Variants in CDK14 observed in about 807,000 individuals in gnomAD.
The protein encoded by CDK14 is cyclin-dependent kinase 14.
Under a neutral mutation model 60.7 loss-of-function variants are expected in CDK14, and 34 were observed. That is an observed-to-expected ratio of 0.56 (90% confidence interval 0.43 to 0.75). The LOEUF is 0.75. CDK14 is among the 30% of genes least tolerant of loss of function. CDK14 has a pLI of 0.00. For missense variants in CDK14, 482 were observed against 564.1 expected (o/e 0.85, Z 1.47); for synonymous variants, 197 against 203.7 (o/e 0.97, Z 0.28).
chr7:90,615,124 G>A (rs980426158), intron 2 of CDK14, among the ~76,000 whole-genome samples: 2 of 151,604 alleles, frequency 1.3e-5, no homozygotes, highest in African/African-American at 4.8e-5. Flanking sequence ...AGTAAGGAAT[G>A]TGTTGAAAAA....
intron 14 of CDK14, among the ~76,000 whole-genome samples, chr7:91,204,501 T>C (rs928308520): frequency 3.9e-5 from 6 of 152,174 alleles, no homozygotes; most frequent in African/African-American, 7.2e-5. Context: ...ACCTATGGAA[T>C]TGGAGAAAAA....
At chr7:91,091,156 G>C (rs1798794107) in intron 12 of CDK14, among the ~76,000 whole-genome samples, 1 of 151,486 alleles carries the variant, frequency 6.6e-6, no homozygotes, top group Non-Finnish European at 1.5e-5. Context: ...AGCACTTTGA[G>C]AGGCCAAGGT....
rs201725380 is a variant in CDK14 at position 90,598,706 on chromosome 7, T to TTG, written c.91+1989_91+1990insGT. On this transcript the variant is annotated intron_variant, in intron 1 of 14. Coordinates refer to ENST00000380050, the MANE Select transcript of CDK14 (RefSeq NM_001287135.2). Reference sequence around the variant, plus strand: ...GAACTCATTCTGATTATCTAAGGATTTTTTTTTTTTTTTTTTGAGACGGAG... The same window carrying TTG: ...GAACTCATTCTGATTATCTAAGGATTTGTTTTTTTTTTTTTTTTGAGACGGAG... Among the ~76,000 whole-genome samples, 2 of 99,444 alleles carry TTG rather than the reference T, an allele frequency of 2.0e-5. 1 individual carries two copies. Among genetic ancestry groups the TTG allele is most frequent in the Non-Finnish European group, 4.4e-5 (2 of 45,300 alleles). 65.2% of individuals were successfully genotyped at this position (99,444 alleles called of 152,430 possible).
intron 10 of CDK14, among the ~76,000 whole-genome samples, chr7:91,010,839 C>CCTTCTTT (rs1796137547): frequency 2.1e-5 from 2 of 93,400 alleles, no homozygotes; most frequent in African/African-American, 9.5e-5. Flanking sequence ...CTTCCTCCCT[C>CCTTCTTT]CCTCCCTCCC....
At chr7:90,601,145 G>A (rs918809384) in intron 1 of CDK14, among the ~76,000 whole-genome samples, 50 of 152,358 alleles carry the variant, frequency 3.3e-4, no homozygotes, top group Non-Finnish European at 4.1e-4. Context: ...TAGAATATCT[G>A]CTGATCTTAA....
At chr7:90,719,779 G>A (rs1802380355) in intron 2 of CDK14, among the ~76,000 whole-genome samples, 1 of 152,142 alleles carries the variant, frequency 6.6e-6, no homozygotes, top group Admixed American at 6.6e-5. Context: ...CGAATACCAG[G>A]AGACATCCCT....
intron 11 of CDK14, among the ~76,000 whole-genome samples, chr7:91,057,711 G>A (rs150854551): frequency 0.12 from 18,296 of 152,176 alleles, 2,184 homozygotes; most frequent in African/African-American, 0.31. Flanking sequence ...AGATCAGATA[G>A]TTGTAGATAT....
chr7:90,993,013 T>C (rs192661311), intron 10 of CDK14, among the ~76,000 whole-genome samples: 1 of 152,152 alleles, frequency 6.6e-6, no homozygotes, highest in Non-Finnish European at 1.5e-5. Flanking sequence ...GAAGTGTTTC[T>C]GTTTTGGAGA....
chr7:91,034,935 CACAT>C (rs1406498178), intron 10 of CDK14, among the ~76,000 whole-genome samples: 7 of 101,086 alleles, frequency 6.9e-5, no homozygotes, highest in Admixed American at 3.7e-4. Flanking sequence ...CACACACACA[CACAT>C]ACACATACAC....
chr7:90,947,388 C>T (rs1424380947), intron 8 of CDK14, among the ~76,000 whole-genome samples: 2 of 152,180 alleles, frequency 1.3e-5, no homozygotes, highest in South Asian at 2.1e-4. Flanking sequence ...GAGGTGATAG[C>T]ACTACCTGCA....
chr7:91,145,279 A>G (rs1433212038), intron 14 of CDK14, among the ~76,000 whole-genome samples: 2 of 152,206 alleles, frequency 1.3e-5, no homozygotes, highest in African/African-American at 2.4e-5. Flanking sequence ...TTCTTTAGAC[A>G]TACTTTTTTT....
intron 14 of CDK14, among the ~76,000 whole-genome samples, chr7:91,175,907 G>C (rs200076661): frequency 0.066 from 8,860 of 134,108 alleles, 754 homozygotes; most frequent in East Asian, 0.48. Context: ...CAATGAGACA[G>C]AAAGTCAACA....
At chr7:91,125,915 A>G (rs902127485) in intron 14 of CDK14, among the ~76,000 whole-genome samples, 2 of 152,194 alleles carry the variant, frequency 1.3e-5, no homozygotes, top group African/African-American at 4.8e-5. Flanking sequence ...CCTCAATTAC[A>G]TATAATAATT....
At chr7:90,905,351 A>C (rs1317586925) in intron 7 of CDK14, among the ~76,000 whole-genome samples, 2 of 152,190 alleles carry the variant, frequency 1.3e-5, no homozygotes, top group African/African-American at 2.4e-5. Context: ...AAGAAAACCA[A>C]ACAAAGGAAA....
intron 2 of CDK14, among the ~76,000 whole-genome samples, chr7:90,685,332 T>G (rs1801409806): frequency 6.6e-6 from 1 of 152,156 alleles, no homozygotes; most frequent in African/African-American, 2.4e-5. Context: ...TCTTTTCCTG[T>G]GTCAGTACCA....
intron 2 of CDK14, among the ~76,000 whole-genome samples, chr7:90,677,147 C>G (rs1801216781): frequency 6.6e-6 from 1 of 152,194 alleles, no homozygotes; most frequent in Admixed American, 6.5e-5. Context: ...TTCCCTGGAT[C>G]GACTTGTCAT....
At chr7:90,711,259 T>TA (rs1182418849) in intron 2 of CDK14, among the ~76,000 whole-genome samples, 4 of 152,110 alleles carry the variant, frequency 2.6e-5, no homozygotes, top group African/African-American at 9.7e-5. Context: ...AATGGTGCAG[T>TA]GCTTCTGTAT....
chr7:91,124,655 T>G (rs1173635157), intron 14 of CDK14, among the ~76,000 whole-genome samples: 2 of 152,076 alleles, frequency 1.3e-5, no homozygotes, highest in African/African-American at 2.4e-5. Flanking sequence ...AAATGAGCTT[T>G]CAAAATGGTG....
chr7:90,897,397 T>G (rs1227155798), intron 6 of CDK14, among the ~76,000 whole-genome samples: 2 of 152,074 alleles, frequency 1.3e-5, no homozygotes, highest in Non-Finnish European at 2.9e-5. Context: ...CATGTGATTA[T>G]TGATATGGTT....
Sources: gnomAD v4.1 joint callset for allele counts (sites outside exome capture counted in the v4.1 genomes callset) on GRCh38, gnomAD v4.1.1 for gene constraint, MANE v1.5 for transcripts, NCBI Gene and HGNC (gene_info 2026-07-23, HGNC 2026-07-21) for gene names.